Variants in SYNDIG1L observed in about 807,000 individuals in gnomAD.
SYNDIG1L encodes synapse differentiation inducing 1 like.
In SYNDIG1L, 13 loss-of-function variants were observed where a neutral mutation model predicts 20.1. The ratio of observed to expected loss-of-function variants is 0.65; its 90% CI spans 0.42 to 1.03. The LOEUF is 1.03. Ranked by LOEUF, SYNDIG1L falls within the 50% of genes least tolerant of loss-of-function variation. The pLI is 0.00. For missense variants in SYNDIG1L, 294 were observed against 305.1 expected (o/e 0.96, Z 0.27); for synonymous variants, 128 against 129.3 (o/e 0.99, Z 0.07).
the SYNDIG1L span, among the ~76,000 whole-genome samples, chr14:74,448,846 A>C: frequency 6.6e-6 from 1 of 152,216 alleles, no homozygotes. Flanking sequence ...AGGCAGGAGG[A>C]TCACTTGAGT....
Position 74,407,679 on chromosome 14 carries a change from G to A in SYNDIG1L, c.573C>T (p.Ile191=), listed in dbSNP as rs368260923. The change falls in exon 4 of 4, where the codon ATC becomes ATT. Residue 191 remains isoleucine, a synonymous_variant. Transcript: ENST00000331628. The part of the protein sequence containing the change: ...FYFSQGTSKA[I]SKGDFRLAST... ...TGGCCAGGCGGAAGTCCCCTTTGGAGATGGCCTTGCTGGTCTAGGGAGAGA... is the reference window on the plus strand; with the variant it reads ...TGGCCAGGCGGAAGTCCCCTTTGGAAATGGCCTTGCTGGTCTAGGGAGAGA... 1.7e-5 allele frequency: 27 copies of A among 1,608,620 alleles called. No homozygotes were observed. The African/African-American group carries it at 3.5e-4, about 21-fold the overall frequency.
Position 74,408,000 on chromosome 14 carries a change from G to T in SYNDIG1L, c.418-11C>A. The T allele has an allele frequency of 1.1e-5, 17 of 1,601,130 alleles. No homozygotes were observed. The highest frequency in any genetic ancestry group is 1.4e-5 in the Non-Finnish European group (17 of 1,174,006). On this transcript the variant is annotated splice_polypyrimidine_tract_variant and intron_variant, in intron 2 of 3. Coordinates refer to ENST00000331628, the MANE Select transcript of SYNDIG1L (RefSeq NM_001105579.2). ...TGAAGTGGCATCGCTCTGCAAAACA[G>T]TGGAGTTTGGTGACCAGGCCCAGGA...
the SYNDIG1L span, among the ~76,000 whole-genome samples, chr14:74,442,497 A>G: frequency 6.6e-6 from 1 of 152,342 alleles, no homozygotes; most frequent in South Asian, 2.1e-4. Flanking sequence ...AAGAGAATAA[A>G]AGAAAACATG....
intron 1 of SYNDIG1L, among the ~76,000 whole-genome samples, chr14:74,410,126 G>C (rs1310093804): frequency 6.6e-6 from 1 of 152,216 alleles, no homozygotes; most frequent in Non-Finnish European, 1.5e-5. Flanking sequence ...AGTAGGGAGA[G>C]GGAGCAGATG....
At chr14:74,450,318 A>T in the SYNDIG1L span, among the ~76,000 whole-genome samples, 1 of 152,176 alleles carries the variant, frequency 6.6e-6, no homozygotes, top group Non-Finnish European at 1.5e-5. Flanking sequence ...ATTCTACCTA[A>T]ACCCTTCCAG....
chr14:74,447,083 G>T, the SYNDIG1L span, among the ~76,000 whole-genome samples: 1 of 152,066 alleles, frequency 6.6e-6, no homozygotes, highest in African/African-American at 2.4e-5. Flanking sequence ...TCTATTAAAA[G>T]ATATTTTTTA....
chr14:74,464,505 A>G, the SYNDIG1L span, among the ~76,000 whole-genome samples: 2 of 152,116 alleles, frequency 1.3e-5, no homozygotes, highest in African/African-American at 4.8e-5. Context: ...GTCTTAACTA[A>G]TTGACCTAGG....
intron 1 of SYNDIG1L, among the ~76,000 whole-genome samples, chr14:74,424,374 A>C (rs953598305): frequency 5.9e-5 from 9 of 151,692 alleles, no homozygotes; most frequent in Admixed American, 3.3e-4. Context: ...TTAACATTTC[A>C]TTCCCTCATT....
the SYNDIG1L span, among the ~76,000 whole-genome samples, chr14:74,477,301 T>C: frequency 6.6e-6 from 1 of 152,230 alleles, no homozygotes; most frequent in South Asian, 2.1e-4. Context: ...GCTTTTCTTA[T>C]ATACTGTAAC....
upstream of SYNDIG1L, among the ~76,000 whole-genome samples, chr14:74,430,564 T>A (rs1466957007): frequency 6.6e-6 from 1 of 151,984 alleles, no homozygotes; most frequent in Non-Finnish European, 1.5e-5. Context: ...GCCTCTCAAG[T>A]AGCTGGGATT....
chr14:74,410,270 G>C (rs543568745), intron 1 of SYNDIG1L, among the ~76,000 whole-genome samples: 2 of 152,204 alleles, frequency 1.3e-5, no homozygotes, highest in African/African-American at 4.8e-5. Flanking sequence ...CCCAGGGAAG[G>C]CCTTAGAGCT....
At chr14:74,450,818 A>G in the SYNDIG1L span, among the ~76,000 whole-genome samples, 1 of 152,194 alleles carries the variant, frequency 6.6e-6, no homozygotes, top group African/African-American at 2.4e-5. Context: ...TATTATTTAA[A>G]CGGGCAAAAT....
chr14:74,426,295 C>T (rs974915639), upstream of SYNDIG1L, among the ~76,000 whole-genome samples: 1 of 152,148 alleles, frequency 6.6e-6, no homozygotes, highest in African/African-American at 2.4e-5. Flanking sequence ...TGCTCCCTTC[C>T]ACGCTCCGGA....
chr14:74,476,455 C>A, the SYNDIG1L span: 1 of 1,336,856 alleles, frequency 7.5e-7, no homozygotes, highest in Non-Finnish European at 1.0e-6. Context: ...TTCTCCAAGC[C>A]CCTGCAGGTG....
At chr14:74,430,713 G>A (rs942403465), upstream of SYNDIG1L, among the ~76,000 whole-genome samples, 1 of 151,898 alleles carries the variant, frequency 6.6e-6, no homozygotes, top group Non-Finnish European at 1.5e-5. Context: ...GGGATTGCAG[G>A]CGTAAGCCAA....
At chr14:74,433,429 G>T in the SYNDIG1L span, among the ~76,000 whole-genome samples, 1 of 151,876 alleles carries the variant, frequency 6.6e-6, no homozygotes, top group Non-Finnish European at 1.5e-5. Context: ...TGTCACCCAG[G>T]CTGGAGTGCA....
At chr14:74,447,117 A>G in the SYNDIG1L span, among the ~76,000 whole-genome samples, 1 of 152,214 alleles carries the variant, frequency 6.6e-6, no homozygotes, top group African/African-American at 2.4e-5. Flanking sequence ...AAGAAGAAAT[A>G]AAAATAATAT....
chr14:74,417,499 C>T (rs191466387), intron 1 of SYNDIG1L, among the ~76,000 whole-genome samples: 3 of 152,358 alleles, frequency 2.0e-5, no homozygotes, highest in East Asian at 3.9e-4. Context: ...ATGGTAACAG[C>T]TGCTATTTAT....
chr14:74,477,955 G>A, the SYNDIG1L span, among the ~76,000 whole-genome samples: 1 of 152,168 alleles, frequency 6.6e-6, no homozygotes, highest in Non-Finnish European at 1.5e-5. Flanking sequence ...ATCCCCCCAC[G>A]GGAGCCCTAC....
Sources: gnomAD v4.1 joint callset for allele counts (sites outside exome capture counted in the v4.1 genomes callset) on GRCh38, gnomAD v4.1.1 for gene constraint, MANE v1.5 for transcripts, NCBI Gene and HGNC (gene_info 2026-07-23, HGNC 2026-07-21) for gene names.